VPS53: variants seen among roughly 807,000 people sequenced by gnomAD.
The protein encoded by VPS53 is VPS53 subunit of GARP complex, also known as vacuolar protein sorting-associated protein 53 homolog.
Under a neutral mutation model 107.0 loss-of-function variants are expected in VPS53, and 70 were observed. The ratio of observed to expected loss-of-function variants is 0.65; its 90% CI spans 0.54 to 0.80. VPS53 has a LOEUF of 0.80. Among genes scored for constraint, VPS53 ranks in the 30% least tolerant of loss-of-function variants. The probability of loss-of-function intolerance (pLI) is 0.00; values close to 1 mark genes in which losing one functional copy is unlikely to be tolerated. For missense variants in VPS53, 917 were observed against 1,049.4 expected (o/e 0.87, Z 1.74); for synonymous variants, 409 against 393.3 (o/e 1.04, Z -0.47).
At chr17:713,057 G>A (rs1037106562) in intron 1 of VPS53, among the ~76,000 whole-genome samples, 2 of 152,058 alleles carry the variant, frequency 1.3e-5, no homozygotes, top group African/African-American at 2.4e-5. Flanking sequence ...AACACACATC[G>A]AAGCGTCAAT....
intron 6 of VPS53, 34 bp downstream of exon 6, chr17:655,804 C>T (rs1206869542): frequency 2.5e-5 from 39 of 1,576,268 alleles, no homozygotes; most frequent in Admixed American, 8.7e-5. Context: ...ATACATTTCC[C>T]GTGGCCCCAA....
At chr17:666,052 T>C (rs889543482) in intron 4 of VPS53, among the ~76,000 whole-genome samples, 1 of 152,040 alleles carries the variant, frequency 6.6e-6, no homozygotes, top group Non-Finnish European at 1.5e-5. Context: ...AGACATTAAG[T>C]TGGACATAAG....
At chr17:616,385 T>TGAGAG (rs1323559642) in intron 11 of VPS53, 1 of 152,144 alleles carries the variant, frequency 6.6e-6, no homozygotes, top group Non-Finnish European at 1.5e-5. Flanking sequence ...TCTGCAAACT[T>TGAGAG]GAGAGGAGAG....
At chr17:699,513 TAAAA>T in intron 2 of VPS53, 133 bp from the exon 3 acceptor site, 1 of 457,108 alleles carries the variant, frequency 2.2e-6, no homozygotes, top group Non-Finnish European at 3.5e-6. Context: ...AGTTTTGCTT[TAAAA>T]AAAAAAAAAG....
At chr17:667,814 A>T (rs551496454) in intron 4 of VPS53, among the ~76,000 whole-genome samples, 1 of 152,248 alleles carries the variant, frequency 6.6e-6, no homozygotes, top group African/African-American at 2.4e-5. Flanking sequence ...AGCGGTGGGC[A>T]AGTGAGTGAG....
At chr17:572,527 G>A (rs1446619411) in intron 13 of VPS53, among the ~76,000 whole-genome samples, 1 of 152,044 alleles carries the variant, frequency 6.6e-6, no homozygotes, top group Non-Finnish European at 1.5e-5. Context: ...TCTGGGACGT[G>A]TGCCCAAGAG....
intron 13 of VPS53, among the ~76,000 whole-genome samples, chr17:585,785 T>C (rs1250444191): frequency 1.3e-4 from 20 of 152,228 alleles, no homozygotes; most frequent in Admixed American, 1.3e-3. Context: ...CAGTATTACC[T>C]TCTCGATTTT....
At chr17:586,476 T>TATCTGTG in intron 12 of VPS53, 112 bp from the exon 13 acceptor site, 1 of 1,023,728 alleles carries the variant, frequency 9.8e-7, no homozygotes, top group Non-Finnish European at 1.4e-6. Flanking sequence ...GATAAGAGAG[T>TATCTGTG]ACTCAATGTA....
At chr17:590,164 T>C (rs1381338050) in intron 12 of VPS53, among the ~76,000 whole-genome samples, 2 of 151,552 alleles carry the variant, frequency 1.3e-5, no homozygotes, top group Non-Finnish European at 3.0e-5. Flanking sequence ...TCACTCATGA[T>C]TTGGCTCTCT....
intron 12 of VPS53, 73 bp downstream of exon 12, chr17:601,722 T>C: frequency 1.6e-6 from 2 of 1,224,440 alleles, no homozygotes; most frequent in Non-Finnish European, 2.3e-6. Flanking sequence ...AAGGATCGTA[T>C]CTGGAGCAAG....
At chr17:578,196 A>G (rs1365091884) in intron 13 of VPS53, among the ~76,000 whole-genome samples, 2 of 151,830 alleles carry the variant, frequency 1.3e-5, no homozygotes, top group Non-Finnish European at 2.9e-5. Flanking sequence ...CTCCCTCAGA[A>G]TCTAATGCAT....
chr17:697,207 G>A (rs1973004055), intron 4 of VPS53, among the ~76,000 whole-genome samples: 1 of 152,212 alleles, frequency 6.6e-6, no homozygotes, highest in African/African-American at 2.4e-5. Flanking sequence ...ATCTGGCCTC[G>A]GGTGAGCGGT....
chr17:689,037 G>T (rs1972688618), intron 4 of VPS53, among the ~76,000 whole-genome samples: 1 of 152,218 alleles, frequency 6.6e-6, no homozygotes, highest in African/African-American at 2.4e-5. Flanking sequence ...TTTAGCTGTG[G>T]TATGTTTTAG....
intron 12 of VPS53, among the ~76,000 whole-genome samples, chr17:598,752 C>T (rs922204207): frequency 5.5e-5 from 7 of 127,290 alleles, no homozygotes; most frequent in African/African-American, 1.9e-4. Flanking sequence ...AAGTGAGGAG[C>T]CCCTCCGCCC....
chr17:670,274 A>T (rs531479197), intron 4 of VPS53, among the ~76,000 whole-genome samples: 1 of 152,324 alleles, frequency 6.6e-6, no homozygotes, highest in African/African-American at 2.4e-5. Context: ...ACGGTGTTAT[A>T]AAGCGGTGAC....
intron 13 of VPS53, among the ~76,000 whole-genome samples, chr17:573,994 A>AT (rs1256681643): frequency 2.0e-5 from 3 of 152,164 alleles, no homozygotes; most frequent in Non-Finnish European, 2.9e-5. Flanking sequence ...CATGATATGG[A>AT]TTTTTTTGAC....
At chr17:661,368 A>G (rs1317649544) in intron 5 of VPS53, among the ~76,000 whole-genome samples, 1 of 151,786 alleles carries the variant, frequency 6.6e-6, no homozygotes, top group Non-Finnish European at 1.5e-5. Flanking sequence ...AAAAATACAA[A>G]AAATTAGCCG....
chr17:580,557 G>GTGCATTGCCAGAGAACC (rs1966957550), intron 13 of VPS53, among the ~76,000 whole-genome samples: 1 of 117,514 alleles, frequency 8.5e-6, no homozygotes, highest in Non-Finnish European at 1.7e-5. Context: ...CAGAACCTCA[G>GTGCATTGCCAGAGAACC]TGCATTGCCA....
At chr17:677,242 A>G (rs1972205122) in intron 4 of VPS53, among the ~76,000 whole-genome samples, 1 of 152,194 alleles carries the variant, frequency 6.6e-6, no homozygotes, top group Admixed American at 6.5e-5. Flanking sequence ...ATGTGGTGGA[A>G]CTACACCACG....
Sources: allele counts gnomAD v4.1 joint callset (sites outside exome capture counted in the v4.1 genomes callset), GRCh38; gene constraint gnomAD v4.1.1; transcripts MANE v1.5; gene names NCBI Gene and HGNC (gene_info 2026-07-23, HGNC 2026-07-21).